PCSK6: variants seen among roughly 807,000 people sequenced by gnomAD.
The protein encoded by PCSK6 is paired basic amino acid cleaving enzyme 4.
PCSK6 carries 85 observed loss-of-function variants against 123.3 expected under a neutral mutation model. The ratio of observed to expected loss-of-function variants is 0.69; its 90% CI spans 0.58 to 0.83. The LOEUF is 0.83. Ranked by LOEUF, PCSK6 falls within the 40% of genes least tolerant of loss-of-function variation. The probability of loss-of-function intolerance (pLI) is 0.00; values close to 1 mark genes in which losing one functional copy is unlikely to be tolerated. For synonymous variants in PCSK6, 508 were observed against 516.0 expected (o/e 0.98, Z 0.21); for missense variants, 1,191 against 1,282.3 (o/e 0.93, Z 1.09).
intron 1 of PCSK6, among the ~76,000 whole-genome samples, chr15:101,479,867 T>C (rs2141260738): frequency 6.6e-6 from 1 of 152,276 alleles, no homozygotes; most frequent in Admixed American, 6.5e-5. Flanking sequence ...AAGGAAGCTC[T>C]TGTAAGTGAC....
intron 13 of PCSK6, among the ~76,000 whole-genome samples, chr15:101,362,879 T>C (rs1336009282): frequency 6.6e-6 from 1 of 152,224 alleles, no homozygotes; most frequent in Non-Finnish European, 1.5e-5. Context: ...GGGTGCTTAG[T>C]TTGTTAGAAC....
intron 13 of PCSK6, among the ~76,000 whole-genome samples, chr15:101,341,583 G>A (rs1409296213): frequency 6.6e-6 from 1 of 152,126 alleles, no homozygotes. Context: ...TATTTTTAAA[G>A]TGCTGGAATA....
At chr15:101,319,984 G>A (rs966707367) in intron 18 of PCSK6, among the ~76,000 whole-genome samples, 1 of 152,154 alleles carries the variant, frequency 6.6e-6, no homozygotes, top group Non-Finnish European at 1.5e-5. Context: ...GCTACCATGT[G>A]GGACTCGTGA....
intron 20 of PCSK6, among the ~76,000 whole-genome samples, chr15:101,310,053 C>T (rs1366854736): frequency 3.9e-5 from 6 of 152,248 alleles, no homozygotes; most frequent in East Asian, 1.9e-4. Flanking sequence ...CGGACGGCCA[C>T]GGCGTCCACC....
chr15:101,397,162 T>C (rs1028334417), intron 7 of PCSK6, among the ~76,000 whole-genome samples: 22 of 152,124 alleles, frequency 1.4e-4, no homozygotes, highest in Admixed American at 3.9e-4. Flanking sequence ...AGGGGTCTCC[T>C]GAGAGAAAAA....
chr15:101,335,283 A>G lies in PCSK6; in HGVS notation c.1859-3252T>C, dbSNP rs2040454919. 2.6e-5 allele frequency among the ~76,000 whole-genome samples: 4 copies of G among 152,224 alleles called. No individual in the cohort carries two copies. The South Asian group carries it at 8.3e-4, about 32-fold the overall frequency. Reference sequence around the variant, plus strand: ...CTGTTTGACTTTTTGTTAAAACCACAACATATGTTACCTGTTCATATATAA... The same window carrying G: ...CTGTTTGACTTTTTGTTAAAACCACGACATATGTTACCTGTTCATATATAA... On this transcript the variant is annotated intron_variant, in intron 13 of 21. Coordinates refer to ENST00000611716, the MANE Select transcript of PCSK6 (RefSeq NM_002570.5).
chr15:101,437,610 C>T (rs1567221080), intron 2 of PCSK6, among the ~76,000 whole-genome samples: 1 of 152,182 alleles, frequency 6.6e-6, no homozygotes, highest in Non-Finnish European at 1.5e-5. Context: ...CTACAGGTGC[C>T]AGAAGACCCC....
At chr15:101,383,304 G>A (rs1437870472) in intron 10 of PCSK6, among the ~76,000 whole-genome samples, 5 of 151,752 alleles carry the variant, frequency 3.3e-5, no homozygotes, top group Non-Finnish European at 7.4e-5. Flanking sequence ...CTACTCGGGA[G>A]GGATTATTTG....
At chr15:101,441,700 A>C (rs2056757371) in intron 2 of PCSK6, among the ~76,000 whole-genome samples, 1 of 152,224 alleles carries the variant, frequency 6.6e-6, no homozygotes, top group African/African-American at 2.4e-5. Context: ...AGACCAAGAA[A>C]TCCACGGTCC....
At chr15:101,347,445 A>T (rs1354775309) in intron 13 of PCSK6, 1 of 1,246,380 alleles carries the variant, frequency 8.0e-7, no homozygotes, top group African/African-American at 1.5e-5. Flanking sequence ...GGTCACACAG[A>T]AGAGACTAAT....
chr15:101,482,908 T>TCA (rs1452386368), intron 1 of PCSK6, among the ~76,000 whole-genome samples: 1 of 152,134 alleles, frequency 6.6e-6, no homozygotes, highest in Non-Finnish European at 1.5e-5. Context: ...TCGGCTTTGA[T>TCA]CACCACTCCC....
intron 8 of PCSK6, among the ~76,000 whole-genome samples, chr15:101,391,452 G>C (rs2042231314): frequency 6.6e-6 from 1 of 152,238 alleles, no homozygotes; most frequent in Non-Finnish European, 1.5e-5. Context: ...GCTGAATCAA[G>C]GTGGACAGCC....
At chr15:101,397,943 C>T (rs1166107629) in intron 7 of PCSK6, among the ~76,000 whole-genome samples, 4 of 152,230 alleles carry the variant, frequency 2.6e-5, no homozygotes, top group Non-Finnish European at 5.9e-5. Flanking sequence ...ACACCCCGAC[C>T]ACTGCTTCCT....
intron 1 of PCSK6, 120 bp from the exon 2 acceptor site, chr15:101,443,780 C>T: frequency 1.4e-6 from 1 of 715,468 alleles, no homozygotes; most frequent in South Asian, 1.6e-5. Context: ...GGAAACACAC[C>T]CTCCATCACC....
intron 3 of PCSK6, 188 bp from the exon 4 acceptor site, chr15:101,431,651 G>T: frequency 1.4e-6 from 1 of 733,080 alleles, no homozygotes; most frequent in Non-Finnish European, 2.3e-6. Flanking sequence ...CGGCTCCCTT[G>T]CTTTTTCTGC....
At chr15:101,384,505 G>C (rs1250244623) in intron 9 of PCSK6, 80 bp from the exon 10 acceptor site, 1 of 1,184,486 alleles carries the variant, frequency 8.4e-7, no homozygotes, top group East Asian at 2.4e-5. Context: ...CAGGGGGTCG[G>C]CAGCCAACCC....
chr15:101,313,054 G>C (rs1230993004), intron 20 of PCSK6: 1 of 1,261,102 alleles, frequency 7.9e-7, no homozygotes. Flanking sequence ...ATTATCGACA[G>C]TGCAAAGGAT....
chr15:101,445,450 G>A (rs111434676), intron 1 of PCSK6, among the ~76,000 whole-genome samples: 88 of 152,244 alleles, frequency 5.8e-4, no homozygotes, highest in African/African-American at 2.1e-3. Context: ...ACGGTTTTCC[G>A]CAATTCTGAT....
At chr15:101,450,059 C>T (rs1474723240) in intron 1 of PCSK6, among the ~76,000 whole-genome samples, 1 of 152,128 alleles carries the variant, frequency 6.6e-6, no homozygotes, top group Admixed American at 6.5e-5. Flanking sequence ...AACCTCTCCT[C>T]CTGAGGCGTT....
Sources: allele counts gnomAD v4.1 joint callset (sites outside exome capture counted in the v4.1 genomes callset), GRCh38; gene constraint gnomAD v4.1.1; transcripts MANE v1.5; gene names NCBI Gene and HGNC (gene_info 2026-07-23, HGNC 2026-07-21).